ABCG2: variants seen among roughly 807,000 people sequenced by gnomAD.
The protein encoded by ABCG2 is broad substrate specificity ATP-binding cassette transporter ABCG2.
In ABCG2, 80 loss-of-function variants were observed where a neutral mutation model predicts 73.5. The ratio of observed to expected loss-of-function variants is 1.09; its 90% confidence interval spans 0.91 to 1.31. ABCG2 has a LOEUF of 1.31. Among genes scored for constraint, ABCG2 ranks in the 50% most tolerant of loss-of-function variants. The pLI is 0.00. For synonymous variants in ABCG2, 269 were observed against 282.4 expected (o/e 0.95, Z 0.48); for missense variants, 796 against 786.2 (o/e 1.01, Z -0.15).
In ABCG2 at chr4:88,151,599, G is replaced by A. The variant is rs548074764; in HGVS notation, c.-20+6787C>T. 2.3e-3 allele frequency among the ~76,000 whole-genome samples: 355 copies of A among 152,174 alleles called. 2 individuals are homozygous for A. Among genetic ancestry groups the A allele is most frequent in the Non-Finnish European group, 2.6e-3 (174 of 68,022 alleles). On this transcript the variant is annotated intron_variant, in intron 1 of 15. Coordinates refer to ENST00000237612, the MANE Select transcript of ABCG2 (RefSeq NM_004827.3). ...TAAAAATACAAAAAAGTAGCTGGGC[G>A]TGGTGGAGGGGCGCCGGTAGTCCCA...
At chr4:88,132,486 T>C (rs986210813) in intron 3 of ABCG2, 90 bp downstream of exon 3, 22 of 1,386,000 alleles carry the variant, frequency 1.6e-5, no homozygotes, top group Non-Finnish European at 2.0e-5. Flanking sequence ...AAATGCTCAA[T>C]AAATACCTGC....
At chr4:88,168,324 T>C (rs1727623341) in intron 1 of ABCG2, among the ~76,000 whole-genome samples, 1 of 151,916 alleles carries the variant, frequency 6.6e-6, no homozygotes, top group Non-Finnish European at 1.5e-5. Flanking sequence ...CCATCTGTAC[T>C]AAAAATACAA....
chr4:88,095,898 C>T (rs1296437101), intron 13 of ABCG2, among the ~76,000 whole-genome samples: 1 of 152,160 alleles, frequency 6.6e-6, no homozygotes, highest in Non-Finnish European at 1.5e-5. Flanking sequence ...ACTATGTACT[C>T]AACTTTATTT....
intron 15 of ABCG2, 25 bp downstream of exon 15, chr4:88,094,552 A>G (rs369278962): frequency 4.5e-5 from 72 of 1,595,310 alleles, no homozygotes; most frequent in Non-Finnish European, 5.8e-5. Flanking sequence ...AACAAAACCC[A>G]TTTTGACACT....
At chr4:88,141,007 T>C (rs1465916997) in intron 1 of ABCG2, among the ~76,000 whole-genome samples, 1 of 152,168 alleles carries the variant, frequency 6.6e-6, no homozygotes, top group African/African-American at 2.4e-5. Context: ...AAAGATTTAT[T>C]TGAGTAAGAC....
In ABCG2 at chr4:88,092,248, T is replaced by A; in HGVS notation, c.1954A>T (p.Lys652Ter). ...TAAGGGGAAATTTAAGAATATTTTT[T>A]AAGAAATAACAATTTCAGGTAGGCA... is the stretch of plus-strand genomic sequence containing the variant. ...TIAYLKLLFL[K>*]KYS is the part of the protein sequence containing the mutation. The change falls in exon 16 of 16, where the codon AAA becomes TAA. Residue 652 changes from lysine (K) to a stop codon, truncating the protein, a stop_gained. Coordinates refer to ENST00000237612, the MANE Select transcript of ABCG2 (RefSeq NM_004827.3). LOFTEE classifies it high-confidence loss of function. The A allele has an allele frequency of 2.5e-6, 4 of 1,607,088 alleles. No individual in the cohort carries two copies. Among genetic ancestry groups the A allele is most frequent in the Middle Eastern group, 1.7e-4 (1 of 6,034 alleles).
chr4:88,131,033 C>G, intron 5 of ABCG2, 28 bp downstream of exon 5: 5 of 1,612,696 alleles, frequency 3.1e-6, no homozygotes, highest in Non-Finnish European at 4.2e-6. Context: ...TTATGCTGAT[C>G]ATGATGCTTT....
upstream of ABCG2, among the ~76,000 whole-genome samples, chr4:88,164,315 T>C (rs1445880677): frequency 6.6e-6 from 1 of 152,182 alleles, no homozygotes; most frequent in Non-Finnish European, 1.5e-5. Flanking sequence ...ATCCACCACC[T>C]CGGCCTCCCA....
intron 7 of ABCG2, among the ~76,000 whole-genome samples, chr4:88,116,177 AGAGT>A (rs1465496333): frequency 2.0e-5 from 3 of 152,224 alleles, no homozygotes; most frequent in Non-Finnish European, 4.4e-5. Flanking sequence ...CCTGGGCGAC[AGAGT>A]GAGACTCTGT....
At chr4:88,220,522 ATGTG>A (rs1326932721) in intron 1 of ABCG2, 100 of 152,622 alleles carry the variant, frequency 6.6e-4, no homozygotes, top group African/African-American at 2.3e-3. Flanking sequence ...AATATCTAAA[ATGTG>A]TTTATTGGGG....
chr4:88,121,930 C>G (rs1724029662), intron 5 of ABCG2, 138 bp from the exon 6 acceptor site: 8 of 832,926 alleles, frequency 9.6e-6, no homozygotes, highest in Admixed American at 2.8e-5. Flanking sequence ...AAGTGGATAC[C>G]TGGTAGAAAA....
At chr4:88,110,319 A>G (rs573169117) in intron 9 of ABCG2, among the ~76,000 whole-genome samples, 2 of 152,078 alleles carry the variant, frequency 1.3e-5, no homozygotes, top group Non-Finnish European at 2.9e-5. Context: ...AAGCGGGTGG[A>G]CCCACCTGAG....
At chr4:88,186,190 T>A (rs757559190) in intron 1 of ABCG2, among the ~76,000 whole-genome samples, 2 of 152,130 alleles carry the variant, frequency 1.3e-5, no homozygotes, top group Non-Finnish European at 2.9e-5. Flanking sequence ...CACAAAAAAA[T>A]TAGATCCTGG....
At chr4:88,122,321 T>G (rs373621984) in intron 5 of ABCG2, among the ~76,000 whole-genome samples, 2 of 146,164 alleles carry the variant, frequency 1.4e-5, no homozygotes, top group East Asian at 1.9e-4. Flanking sequence ...ACAAAACTGT[T>G]CACTCCCCTG....
Position 88,208,988 on chromosome 4 carries a change from C to T in ABCG2, c.-20+22006G>A, listed in dbSNP as rs547971297. Among the ~76,000 whole-genome samples, 9 of 151,334 alleles carry T rather than the reference C, an allele frequency of 5.9e-5. No individual in the cohort carries two copies. In the East Asian group the frequency reaches 7.8e-4, roughly 13 times the overall value. ...CTGCACTCCAGCCTGGGTGACAGAG[C>T]GAGACTGTCTCAAAAAAAACAAAAC... On this transcript the variant is annotated intron_variant, in intron 1 of 15. Coordinates refer to the ABCG2 transcript ENST00000515655.
At chr4:88,187,675 A>T (rs994974855) in intron 1 of ABCG2, among the ~76,000 whole-genome samples, 2 of 152,190 alleles carry the variant, frequency 1.3e-5, no homozygotes, top group Non-Finnish European at 2.9e-5. Context: ...TCCTGATGTG[A>T]TTATTACATA....
At chr4:88,175,521 G>C (rs560348626) in intron 1 of ABCG2, among the ~76,000 whole-genome samples, 1 of 144,390 alleles carries the variant, frequency 6.9e-6, no homozygotes, top group African/African-American at 2.8e-5. Context: ...CAGAGTAACT[G>C]CTAGATTCTT....
chr4:88,104,364 T>G (rs535746581), intron 10 of ABCG2, among the ~76,000 whole-genome samples: 1 of 152,304 alleles, frequency 6.6e-6, no homozygotes, highest in African/African-American at 2.4e-5. Context: ...AACAAAACTT[T>G]GAGAACCTGT....
In ABCG2 at chr4:88,195,960, G is replaced by A. The variant is rs140791853; in HGVS notation, c.-20+35034C>T. Among the ~76,000 whole-genome samples, 12 of 152,232 alleles carry A rather than the reference G, an allele frequency of 7.9e-5. No individual in the cohort carries two copies. In the East Asian group the frequency reaches 2.3e-3, roughly 29 times the overall value. On this transcript the variant is annotated intron_variant, in intron 1 of 15. Coordinates refer to the ABCG2 transcript ENST00000515655. ...TGCATGTGCTTGATTGAGCCCATTC[G>A]CCCAGCTCCTGAGATCTTATCAGGA...
Sources: allele counts gnomAD v4.1 joint callset (sites outside exome capture counted in the v4.1 genomes callset), GRCh38; gene constraint gnomAD v4.1.1; transcripts MANE v1.5; gene names NCBI Gene and HGNC (gene_info 2026-07-23, HGNC 2026-07-21).